Variants in FAM163B observed in about 807,000 individuals in gnomAD.
FAM163B encodes the protein protein FAM163B.
In FAM163B, 4 loss-of-function variants were observed where a neutral mutation model predicts 7.6. The ratio of observed to expected loss-of-function variants is 0.52; its 90% CI spans 0.26 to 1.20. FAM163B has a LOEUF of 1.20. Ranked by LOEUF, FAM163B falls within the 50% of genes most tolerant of loss-of-function variation. FAM163B has a pLI of 0.14. For missense variants in FAM163B, 250 were observed against 243.0 expected, an observed-to-expected ratio of 1.03 and a Z score of -0.19; for synonymous variants, 120 against 111.6, an observed-to-expected ratio of 1.07 and a Z score of -0.47.
chr9:133,608,940 C>T (rs1387214731), intron 1 of FAM163B, among the ~76,000 whole-genome samples, 137 bp downstream of exon 1: 1 of 152,244 alleles, frequency 6.6e-6, no homozygotes, highest in African/African-American at 2.4e-5. Flanking sequence ...GTGACGCCAG[C>T]TGGGTCAGGG....
At chr9:133,603,810 C>A (rs1227933946) in intron 1 of FAM163B, among the ~76,000 whole-genome samples, 1 of 152,200 alleles carries the variant, frequency 6.6e-6, no homozygotes, top group Admixed American at 6.5e-5. Flanking sequence ...AATCCATGGA[C>A]AGCTGCTTTT....
chr9:133,600,626 A>T lies in FAM163B; in HGVS notation c.-24+8451T>A, dbSNP rs3025318. The stretch of plus-strand genomic sequence containing the variant: ...AGGGGTAAAACCAGAGGGTAAAAGG[A>T]TGGGTGGAAGCCCAAGACTCGTGGG... On this transcript the variant is annotated intron_variant, in intron 1 of 2. Coordinates refer to ENST00000673969, the MANE Select transcript of FAM163B (RefSeq NM_001080515.3). This position sits in a 1 kb window ranked among gnomAD's most constrained non-coding sequence, Gnocchi z 4.9. 0.75 allele frequency among the ~76,000 whole-genome samples: 114,183 copies of T among 151,848 alleles called. 43,605 individuals are homozygous for T. The highest frequency in any genetic ancestry group is 0.89 in the African/African-American group (36,797 of 41,418).
chr9:133,586,595 T>C (rs914995976), intron 1 of FAM163B, among the ~76,000 whole-genome samples: 23 of 152,260 alleles, frequency 1.5e-4, no homozygotes, highest in African/African-American at 5.5e-4. Flanking sequence ...ATGGAGGGGC[T>C]CTTAGGGTCT....
intron 1 of FAM163B, among the ~76,000 whole-genome samples, chr9:133,585,051 G>A (rs1162310367): frequency 6.6e-6 from 1 of 152,230 alleles, no homozygotes; most frequent in Non-Finnish European, 1.5e-5. Context: ...GGGCTCCCCT[G>A]TGCGTCCCCC....
chr9:133,599,089 C>T (rs1831673444), intron 1 of FAM163B, among the ~76,000 whole-genome samples: 1 of 152,184 alleles, frequency 6.6e-6, no homozygotes, highest in South Asian at 2.1e-4. Flanking sequence ...GGCCTGAGCG[C>T]CACACTTTCA....
chr9:133,590,097 TTCCCCTTCCCTTCCCCTCCCCTTCCCC>T lies in FAM163B; in HGVS notation c.-23-9878_-23-9852del, dbSNP rs1831521809. Among the ~76,000 whole-genome samples, 17 of 14,750 alleles carry T rather than the reference TTCCCCTTCCCTTCCCCTCCCCTTCCCC, an allele frequency of 1.2e-3. 2 individuals carry two copies. Among genetic ancestry groups the T allele is most frequent in the Admixed American group, 1.6e-3 (2 of 1,270 alleles). 9.7% of individuals were successfully genotyped at this position (14,750 alleles called of 152,430 possible). Reference sequence around the variant, plus strand: ...CCTTCCCCTTCCCCTTCCCTTCCCCTTCCCCTTCCCTTCCCCTCCCCTTCCCCTCCCCTTCCCCTCCCCTTCCCCTCC... The same window carrying T: ...CCTTCCCCTTCCCCTTCCCTTCCCCTTCCCCTTCCCCTCCCCTTCCCCTCC... On this transcript the variant is annotated intron_variant, in intron 1 of 2. Transcript: ENST00000673969.
intron 1 of FAM163B, among the ~76,000 whole-genome samples, chr9:133,603,292 C>A (rs1307197549): frequency 1.3e-5 from 2 of 152,196 alleles, no homozygotes; most frequent in Non-Finnish European, 2.9e-5. Flanking sequence ...GCATACCCAG[C>A]GCATCCCACC....
chr9:133,580,277 C>T (rs1195298110), intron 1 of FAM163B, 31 bp from the exon 2 acceptor site: 1 of 1,477,770 alleles, frequency 6.8e-7, no homozygotes, highest in Non-Finnish European at 9.4e-7. Flanking sequence ...TTTAGAGCAT[C>T]ACGCTTCCTC....
rs769650758 is a variant in FAM163B, at chr9:133,600,247, TGTGA to T, written c.-24+8826_-24+8829del. Among the ~76,000 whole-genome samples, 4 of 140,356 alleles carry T rather than the reference TGTGA, an allele frequency of 2.8e-5. No individual in the cohort carries two copies. The highest frequency in any genetic ancestry group is 5.6e-5 in the African/African-American group (2 of 35,904). 92.1% of individuals were successfully genotyped at this position (140,356 alleles called of 152,430 possible). The stretch of plus-strand genomic sequence containing the variant: ...GGGGAATGTGGTCTGTGTGCATGTG[TGTGA>T]GTGTGGTCTGTGTGTGTGTGTGTGT... On this transcript the variant is annotated intron_variant, in intron 1 of 2. Transcript: ENST00000673969. This position sits in a 1 kb window ranked among gnomAD's most constrained non-coding sequence, Gnocchi z 4.9.
Position 133,596,239 on chromosome 9 carries a change from C to T in FAM163B, c.-24+12838G>A, listed in dbSNP as rs542999985. ...GGAAACCAGAGGCTTCTGGCCCGGG[C>T]GGCTGTGCGGGGAGCCCCCGAGTTT... On this transcript the variant is annotated intron_variant, in intron 1 of 2. Transcript: ENST00000673969. Among the ~76,000 whole-genome samples, 95 of 56,600 alleles carry T rather than the reference C, an allele frequency of 1.7e-3. 2 individuals carry two copies. Among genetic ancestry groups the T allele is most frequent in the African/African-American group, 0.016 (90 of 5,544 alleles). The allele number at this position is 56,600 out of a possible 152,430, so 37.1% of individuals were successfully genotyped here. A position where few individuals can be genotyped will look rare whatever the true frequency, so the allele number is the denominator to read the frequency against.
At chr9:133,597,112 AG>A (rs1309554916) in intron 1 of FAM163B, among the ~76,000 whole-genome samples, 2 of 152,268 alleles carry the variant, frequency 1.3e-5, no homozygotes, top group Non-Finnish European at 2.9e-5. Context: ...TGGCATGGAA[AG>A]AAGCAGAAAA....
Position 133,579,356 on chromosome 9 carries a change from G to C in FAM163B, c.167C>G (p.Pro56Arg), listed in dbSNP as rs1421610409. 5.6e-6 allele frequency: 9 copies of C among 1,613,118 alleles called. No individual in the cohort carries two copies. Among genetic ancestry groups the C allele is most frequent in the Non-Finnish European group, 7.6e-6 (9 of 1,179,792 alleles). ...EPDFAVHSHL[P>R]PLHSNRNLVL... ...CAGGTTGCGGTTGGAGTGCAGCGGGGGCAGGTGCGAGTGAACGGCGAAGTC... is the reference window on the plus strand; with the variant it reads ...CAGGTTGCGGTTGGAGTGCAGCGGGCGCAGGTGCGAGTGAACGGCGAAGTC... Residue 56 changes from proline (P) to arginine (R), a missense_variant, in exon 3 of 3, where the codon CCC becomes CGC. Pro to Arg is a moderately radical substitution (Grantham distance 103). Coordinates refer to ENST00000673969, the MANE Select transcript of FAM163B (RefSeq NM_001080515.3).
chr9:133,588,434 A>G (rs11515898), intron 1 of FAM163B, among the ~76,000 whole-genome samples: 65,408 of 150,658 alleles, frequency 0.43, 15,040 homozygotes, highest in East Asian at 0.9. Flanking sequence ...GTCAGGCCTG[A>G]AGTTGCCACC....
chr9:133,584,531 A>G (rs2131223554), intron 1 of FAM163B, among the ~76,000 whole-genome samples: 1 of 152,384 alleles, frequency 6.6e-6, no homozygotes, highest in South Asian at 2.1e-4. Context: ...ATAAGGCGAA[A>G]AAGCCAGATG....
chr9:133,587,947 A>AT (rs1317162875), intron 1 of FAM163B, among the ~76,000 whole-genome samples: 1 of 104,368 alleles, frequency 9.6e-6, no homozygotes, highest in Non-Finnish European at 1.9e-5. Context: ...GAAAAAGGTG[A>AT]TGGGCGAACG....
intron 1 of FAM163B, among the ~76,000 whole-genome samples, chr9:133,605,522 G>C (rs1831779167): frequency 6.6e-6 from 1 of 152,164 alleles, no homozygotes; most frequent in African/African-American, 2.4e-5. Context: ...TGGGAAAACT[G>C]AGCTCAAGGG....
chr9:133,596,599 C>T lies in FAM163B; in HGVS notation c.-24+12478G>A, dbSNP rs369275259. On this transcript the variant is annotated intron_variant, in intron 1 of 2. Transcript: ENST00000673969. ...CCCCAGCTCCCTCCAGCTGGAATCCCAGGCTATGGTGCAGGGAGCTCAGGT... is the reference window on the plus strand; with the variant it reads ...CCCCAGCTCCCTCCAGCTGGAATCCTAGGCTATGGTGCAGGGAGCTCAGGT... Among the ~76,000 whole-genome samples the T allele has an allele frequency of 1.4e-3, 208 of 152,246 alleles. 4 individuals carry two copies. The South Asian group carries it at 0.041, about 30-fold the overall frequency.
intron 1 of FAM163B, among the ~76,000 whole-genome samples, chr9:133,588,204 C>A (rs1019562563): frequency 2.6e-5 from 4 of 152,168 alleles, no homozygotes; most frequent in Non-Finnish European, 4.4e-5. Flanking sequence ...CCCCTTTCTG[C>A]TGAGACCGAG....
In FAM163B at chr9:133,577,698, T is replaced by C. The variant is rs1198418226; in HGVS notation, c.*1324A>G. ...CAGAGCCCCAGAGAGGGAAGGGGGC[T>C]CCTGGGGCCAGGCTGCTGAGAGGAA... On this transcript the variant is annotated 3_prime_UTR_variant, in exon 3 of 3. Coordinates refer to ENST00000673969, the MANE Select transcript of FAM163B (RefSeq NM_001080515.3). 6.6e-6 allele frequency among the ~76,000 whole-genome samples: 1 copy of C among 152,188 alleles called. No individual in the cohort carries two copies. Among genetic ancestry groups the C allele is most frequent in the Non-Finnish European group, 1.5e-5 (1 of 68,036 alleles).
Sources: gnomAD v4.1 joint callset for allele counts (sites outside exome capture counted in the v4.1 genomes callset) on GRCh38, gnomAD v4.1.1 for gene constraint, Gnocchi (gnomAD v3.1) non-coding constraint, MANE v1.5 for transcripts, NCBI Gene and HGNC (gene_info 2026-07-23, HGNC 2026-07-21) for gene names.